MED13: variants seen among roughly 807,000 people sequenced by gnomAD.
The protein encoded by MED13 is mediator complex subunit 13.
In MED13, 23 loss-of-function variants were observed where a neutral mutation model predicts 225.2. The observed-to-expected ratio is 0.10, with a 90% confidence interval of 0.07 to 0.14. MED13 has a LOEUF of 0.14. Among genes scored for constraint, MED13 ranks in the 10% least tolerant of loss-of-function variants. The probability of loss-of-function intolerance (pLI) is 1.00; values close to 1 mark genes in which losing one functional copy is unlikely to be tolerated. For missense variants in MED13, 2,197 were observed against 2,594.5 expected, an observed-to-expected ratio of 0.85 and a Z score of 3.33; for synonymous variants, 942 against 889.2, an observed-to-expected ratio of 1.06 and a Z score of -1.06.
intron 10 of MED13, among the ~76,000 whole-genome samples, chr17:61,994,276 C>T (rs957531000): frequency 1.3e-5 from 2 of 152,072 alleles, no homozygotes; most frequent in Admixed American, 6.6e-5. Context: ...GGATTACAAG[C>T]GTGGGCCACT....
chr17:62,018,595 T>C (rs2080605751), intron 8 of MED13, among the ~76,000 whole-genome samples: 1 of 151,806 alleles, frequency 6.6e-6, no homozygotes, highest in South Asian at 2.1e-4. Context: ...ATGCCTGTAG[T>C]CCCAGCTACT....
At chr17:61,966,074 T>C (rs1372407199) in intron 19 of MED13, among the ~76,000 whole-genome samples, 1 of 152,220 alleles carries the variant, frequency 6.6e-6, no homozygotes, top group African/African-American at 2.4e-5. Flanking sequence ...CAAAGAACTA[T>C]TTCTTGGTTT....
intron 8 of MED13, among the ~76,000 whole-genome samples, chr17:62,022,162 T>A (rs2080653972): frequency 1.1e-5 from 1 of 91,732 alleles, no homozygotes. Context: ...AGCAAGACTG[T>A]CTCAAAAAAA....
At chr17:62,017,980 C>G (rs2080599719) in intron 8 of MED13, among the ~76,000 whole-genome samples, 1 of 152,104 alleles carries the variant, frequency 6.6e-6, no homozygotes, top group Non-Finnish European at 1.5e-5. Context: ...TAAGATTATC[C>G]ATATTTGGTC....
chr17:62,026,435 T>C (rs1284879333), intron 8 of MED13, among the ~76,000 whole-genome samples: 2 of 150,288 alleles, frequency 1.3e-5, no homozygotes, highest in Non-Finnish European at 3.0e-5. Context: ...CCAAAGAATG[T>C]TATAAGAAAT....
intron 28 of MED13, among the ~76,000 whole-genome samples, chr17:61,948,243 T>C (rs531433165): frequency 9.1e-4 from 138 of 152,258 alleles, no homozygotes; most frequent in African/African-American, 3.1e-3. Flanking sequence ...AAAAGTATGG[T>C]AAATTATGCC....
chr17:62,029,595 A>T lies in MED13; in HGVS notation c.1229T>A (p.Val410Glu). The T allele has an allele frequency of 6.2e-7, 1 of 1,614,188 alleles. No homozygotes were observed. The highest frequency in any genetic ancestry group is 8.5e-7 in the Non-Finnish European group (1 of 1,180,024). Residue 410 changes from valine to glutamate, a missense_variant, in exon 8 of 30, where the codon GTG becomes GAG. Coordinates refer to ENST00000397786, the MANE Select transcript of MED13 (RefSeq NM_005121.3). ...GGCTTCAACAAAATCCCAGGATGCC[A>T]CTTTAGCAGCTGTCGCTTCTTCGCA... ...GLCEEATAAK[V>E]ASWDFVEATQ...
chr17:61,982,356 A>G lies in MED13; in HGVS notation c.3647T>C (p.Val1216Ala). 2.5e-6 allele frequency: 4 copies of G among 1,614,236 alleles called. No individual in the cohort carries two copies. The highest frequency in any genetic ancestry group is 3.4e-6 in the Non-Finnish European group (4 of 1,180,036). Residue 1216 changes from valine to alanine, a missense_variant, in exon 16 of 30, where the codon GTA becomes GCA. Transcript: ENST00000397786. ...ADQDPFPKSG[V>A]ISNWVRVEER... ...TTCAACACGTACCCAATTGCTAATT[A>G]CACCACTTTTAGGAAAAGGATCTTG...
At chr17:61,955,881 A>G (rs895695242) in intron 24 of MED13, 43 bp from the exon 25 acceptor site, 12 of 1,390,390 alleles carry the variant, frequency 8.6e-6, no homozygotes, top group Admixed American at 2.7e-5. Flanking sequence ...AAAAAAAAAA[A>G]TCAAAGTAAC....
chr17:61,977,761 T>C (rs1166539525), intron 16 of MED13, among the ~76,000 whole-genome samples: 1 of 152,140 alleles, frequency 6.6e-6, no homozygotes, highest in Non-Finnish European at 1.5e-5. Flanking sequence ...TATTTGTTTT[T>C]AATACTGAAA....
intron 1 of MED13, among the ~76,000 whole-genome samples, chr17:62,064,920 G>A (rs1042341121): frequency 6.6e-6 from 1 of 152,216 alleles, no homozygotes; most frequent in African/African-American, 2.4e-5. Context: ...TCCGAAACAA[G>A]ACGAGAAAAA....
intron 16 of MED13, among the ~76,000 whole-genome samples, chr17:61,975,289 CA>C (rs1286665187): frequency 6.6e-6 from 1 of 151,922 alleles, no homozygotes; most frequent in Non-Finnish European, 1.5e-5. Context: ...TAAAAACGGG[CA>C]AAAAATCTGA....
Position 62,034,028 on chromosome 17 carries a change from T to A in MED13, c.617-44A>T, listed in dbSNP as rs747409079. ...CATCAAATAAGTAACAAAAGACTGT[T>A]TTACCAAATAAGAACACAGTGAAAA... On this transcript the variant is annotated intron_variant, in intron 4 of 29. Transcript: ENST00000397786. 4 of 1,534,956 alleles carry A rather than the reference T, an allele frequency of 2.6e-6. No homozygotes were observed. In the East Asian group the frequency reaches 9.0e-5, roughly 35 times the overall value.
rs184590823 is a variant in MED13, at chr17:62,041,546, A to C, written c.471-5938T>G. 2.6e-5 allele frequency among the ~76,000 whole-genome samples: 4 copies of C among 152,250 alleles called. No individual in the cohort carries two copies. The East Asian group carries it at 7.7e-4, about 29-fold the overall frequency. On this transcript the variant is annotated intron_variant, in intron 3 of 29. Transcript: ENST00000397786. ...AAAATTATTAAGTTTTGTTACGTAC[A>C]TTTTACCACAATAAAAAGAAACTGT...
chr17:61,977,618 A>AT (rs1303753435), intron 16 of MED13, among the ~76,000 whole-genome samples: 4 of 151,652 alleles, frequency 2.6e-5, no homozygotes, highest in African/African-American at 4.8e-5. Context: ...CGCCTGGCTA[A>AT]TTTTTTGTAG....
intron 9 of MED13, chr17:62,005,677 A>G (rs1312820166): frequency 6.6e-6 from 1 of 152,236 alleles, no homozygotes; most frequent in Non-Finnish European, 1.5e-5. Context: ...GGCCAGATGA[A>G]GCACAGGACT....
intron 15 of MED13, among the ~76,000 whole-genome samples, chr17:61,983,444 T>C (rs775517861): frequency 2.0e-5 from 3 of 152,154 alleles, no homozygotes; most frequent in Non-Finnish European, 2.9e-5. Context: ...AAGATGCTAC[T>C]GACTATAAAA....
At chr17:62,052,324 C>T (rs1316931535) in intron 3 of MED13, among the ~76,000 whole-genome samples, 6 of 151,696 alleles carry the variant, frequency 4.0e-5, no homozygotes, top group Non-Finnish European at 8.8e-5. Flanking sequence ...TAAAATACAG[C>T]CTATTCCTAC....
rs765648407 is a variant in MED13 at position 61,966,545 on chromosome 17, T to C, written c.4298A>G (p.Glu1433Gly). 1.1e-5 allele frequency: 17 copies of C among 1,613,856 alleles called. No homozygotes were observed. The highest frequency in any genetic ancestry group is 1.4e-5 in the Non-Finnish European group (17 of 1,179,890). The change falls in exon 19 of 30, where the codon GAA becomes GGA. Residue 1433 changes from glutamate (E) to glycine (G), a missense_variant. Glu to Gly is a moderately conservative substitution (Grantham distance 98, BLOSUM62 -2). Coordinates refer to ENST00000397786, the MANE Select transcript of MED13 (RefSeq NM_005121.3). ...ACCGTCAGCTGCCTGAGAAAACCAT[T>C]CTGCTACCAACTTTTCTGATAGTTT... The part of the protein sequence containing the change: ...SKKLSEKLVA[E>G]WFSQAADGNN...
Sources: gnomAD v4.1 joint callset for allele counts (sites outside exome capture counted in the v4.1 genomes callset) on GRCh38, gnomAD v4.1.1 for gene constraint, MANE v1.5 for transcripts, NCBI Gene and HGNC (gene_info 2026-07-23, HGNC 2026-07-21) for gene names.